PABIR3: variants seen among roughly 807,000 people sequenced by gnomAD.
PABIR3 encodes the protein PABIR family member 1.
A neutral mutation model predicts 23.1 loss-of-function variants in PABIR3; 20 were observed. That is an observed-to-expected ratio of 0.86 (90% CI 0.61 to 1.26). PABIR3 has a LOEUF of 1.26. Among genes scored for constraint, PABIR3 ranks in the 50% most tolerant of loss-of-function variants. The pLI, the probability that PABIR3 is intolerant of heterozygous loss-of-function variation, is 0.00. For synonymous variants in PABIR3, 69 were observed against 68.5 expected (o/e 1.01, Z -0.04); for missense variants, 189 against 195.4 (o/e 0.97, Z 0.20).
intron 8 of PABIR3, 97 bp from the exon 9 acceptor site, chrX:134,849,070 G>T (rs986604252): frequency 1.8e-5 from 6 of 325,141 alleles, no homozygotes; most frequent in African/African-American, 1.6e-4. Flanking sequence ...ACAGAGTCCC[G>T]TTTTTGTGTA....
At position 134,854,348 on chromosome X, in the gene PABIR3, C is replaced by A; in HGVS notation, c.*131C>A. On this transcript the variant is annotated 3_prime_UTR_variant, in exon 11 of 11. Coordinates refer to ENST00000645433, the MANE Select transcript of PABIR3 (RefSeq NM_001388447.1). ...ATAATTTAAACTATCTCCTATTTAT[C>A]TTTTTTCCTCAATTTCCTAAAATTC... 1.4e-6 allele frequency: 1 copy of A among 732,349 alleles called. No individual in the cohort carries two copies. Among genetic ancestry groups the A allele is most frequent in the Non-Finnish European group, 1.8e-6 (1 of 549,084 alleles). 60.4% of individuals were successfully genotyped at this position (732,349 alleles called of 1,213,427 possible). A position where few individuals can be genotyped will look rare whatever the true frequency, so the allele number is the denominator to read the frequency against.
intron 1 of PABIR3, among the ~76,000 whole-genome samples, chrX:134,800,636 A>G (rs777896555): frequency 9.0e-6 from 1 of 110,736 alleles, no homozygotes; most frequent in South Asian, 3.9e-4. Context: ...CTAAAAATAC[A>G]AAACTTAGCA....
chrX:134,824,062 C>T (rs2081404422), intron 3 of PABIR3, among the ~76,000 whole-genome samples: 1 of 111,492 alleles, frequency 9.0e-6, no homozygotes. Context: ...TGTGCACAAA[C>T]ATTAGCTTAA....
At chrX:134,808,404 G>A in intron 2 of PABIR3, among the ~76,000 whole-genome samples, 1 of 109,565 alleles carries the variant, frequency 9.1e-6, no homozygotes, top group Middle Eastern at 4.7e-3. Flanking sequence ...TTTTTGAGAC[G>A]GAGTCTCACT....
intron 8 of PABIR3, 89 bp from the exon 9 acceptor site, chrX:134,849,078 G>C: frequency 5.8e-6 from 2 of 345,001 alleles, no homozygotes; most frequent in Non-Finnish European, 9.2e-6. Flanking sequence ...CCGTTTTTGT[G>C]TATGTCCTTA....
chrX:134,808,112 G>T, intron 2 of PABIR3: 2 of 297,705 alleles, frequency 6.7e-6, no homozygotes, highest in Non-Finnish European at 1.2e-5. Flanking sequence ...CAGCTGCTTT[G>T]TCACCTCTGA....
At position 134,829,210 on chromosome X, in the gene PABIR3, A is replaced by G. The variant is rs1022747807; in HGVS notation, c.190-16A>G. The G allele has an allele frequency of 1.7e-6, 2 of 1,194,936 alleles. No individual in the cohort carries two copies. The highest frequency in any genetic ancestry group is 3.0e-5 in the East Asian group (1 of 33,739). ...AAACATTAAAGCAAGCTTGACTTCTATATTTTAAATTTCAGTTGTTGCCAC... is the reference window on the plus strand; with the variant it reads ...AAACATTAAAGCAAGCTTGACTTCTGTATTTTAAATTTCAGTTGTTGCCAC... On this transcript the variant is annotated splice_polypyrimidine_tract_variant and intron_variant, in intron 3 of 10. Coordinates refer to ENST00000645433, the MANE Select transcript of PABIR3 (RefSeq NM_001388447.1).
Position 134,817,814 on chromosome X carries a change from G to A in PABIR3, c.189+2965G>A, listed in dbSNP as rs759770747. 3.6e-5 allele frequency among the ~76,000 whole-genome samples: 4 copies of A among 110,884 alleles called. No individual in the cohort carries two copies. In the South Asian group the frequency reaches 1.5e-3, roughly 43 times the overall value. ...AGGGTCAGTGAGAAGCCATTGAAGA[G>A]TTTTGAGCCAATGATTGACATGATC... On this transcript the variant is annotated intron_variant, in intron 3 of 10. Coordinates refer to ENST00000645433, the MANE Select transcript of PABIR3 (RefSeq NM_001388447.1).
chrX:134,840,580 C>T (rs1004756382), intron 4 of PABIR3, among the ~76,000 whole-genome samples: 3 of 110,752 alleles, frequency 2.7e-5, no homozygotes, highest in African/African-American at 6.6e-5. Flanking sequence ...AAGAAACTGA[C>T]GCTCAGGTGA....
chrX:134,812,349 T>TA (rs768071980), intron 2 of PABIR3, among the ~76,000 whole-genome samples: 1 of 111,944 alleles, frequency 8.9e-6, no homozygotes, highest in Non-Finnish European at 1.9e-5. Context: ...AATAGCCCAT[T>TA]AGTGTCCCTC....
rs2082730614 is a variant in PABIR3, at chrX:134,854,310, A to T, written c.*93A>T. The T allele has an allele frequency of 2.1e-6, 2 of 952,537 alleles. No individual in the cohort carries two copies. The highest frequency in any genetic ancestry group is 2.8e-6 in the Non-Finnish European group (2 of 717,556). The allele number at this position is 952,537 out of a possible 1,213,427, so 78.5% of individuals were successfully genotyped here. ...TCAAGCAAACCAAGTCAGAGCAATGAGAATTGTACTGTATAATTTAAACTA... is the reference window on the plus strand; with the variant it reads ...TCAAGCAAACCAAGTCAGAGCAATGTGAATTGTACTGTATAATTTAAACTA... On this transcript the variant is annotated 3_prime_UTR_variant, in exon 11 of 11. Transcript: ENST00000645433.
chrX:134,853,035 G>T, intron 10 of PABIR3, 139 bp downstream of exon 10: 1 of 347,439 alleles, frequency 2.9e-6, no homozygotes, highest in Non-Finnish European at 4.8e-6. Flanking sequence ...TATTCCAAGT[G>T]GATACTATAA....
At chrX:134,853,988 C>A in intron 10 of PABIR3, 103 bp from the exon 11 acceptor site, 1 of 880,710 alleles carries the variant, frequency 1.1e-6, no homozygotes, top group Non-Finnish European at 1.6e-6. Flanking sequence ...GTGACAAGTG[C>A]CAGTTGTTAG....
intron 6 of PABIR3, 130 bp from the exon 7 acceptor site, chrX:134,847,253 G>A (rs982642133): frequency 1.4e-5 from 6 of 436,375 alleles, no homozygotes; most frequent in African/African-American, 2.4e-5. Flanking sequence ...TTAGGATGGC[G>A]AGAGCTCTTC....
intron 7 of PABIR3, 45 bp from the exon 8 acceptor site, chrX:134,847,838 G>A (rs1251005546): frequency 5.6e-6 from 6 of 1,064,729 alleles, no homozygotes; most frequent in South Asian, 2.0e-5. Flanking sequence ...TCTGCTTTCC[G>A]AGAAAAGTGG....
chrX:134,843,112 A>C (rs2082296074), intron 4 of PABIR3, among the ~76,000 whole-genome samples: 1 of 110,002 alleles, frequency 9.1e-6, no homozygotes, highest in South Asian at 3.9e-4. Context: ...AGACAGGAGA[A>C]TCGCTTGAAC....
At position 134,814,839 on chromosome X, in the gene PABIR3, G is replaced by C; in HGVS notation, c.179G>C (p.Arg60Pro). The change falls in exon 3 of 11, where the codon CGA becomes CCA. Residue 60 changes from arginine (R) to proline (P), a missense_variant. Coordinates refer to ENST00000645433, the MANE Select transcript of PABIR3 (RefSeq NM_001388447.1). ...ACAAACAGAACAACATTTAGGAATCGACGCTCTCTGGTAAGGAAATGCTTA... is the reference window on the plus strand; with the variant it reads ...ACAAACAGAACAACATTTAGGAATCCACGCTCTCTGGTAAGGAAATGCTTA... ...IRTNRTTFRN[R>P]RSLLLPPPPF... 8.4e-7 allele frequency: 1 copy of C among 1,192,727 alleles called. No homozygotes were observed. The highest frequency in any genetic ancestry group is 1.1e-6 in the Non-Finnish European group (1 of 883,243).
At chrX:134,816,329 T>C (rs2080973594) in intron 3 of PABIR3, among the ~76,000 whole-genome samples, 1 of 112,152 alleles carries the variant, frequency 8.9e-6, no homozygotes, top group East Asian at 2.8e-4. Context: ...GTTTTTGTTT[T>C]TGTCTTTTTG....
intron 4 of PABIR3, among the ~76,000 whole-genome samples, chrX:134,842,898 CA>C (rs1219038634): frequency 1.0e-3 from 90 of 85,804 alleles, no homozygotes; most frequent in Admixed American, 1.4e-3. Context: ...AACTCCGTCT[CA>C]AAAAAAAAAA....
Sources: allele counts gnomAD v4.1 joint callset (sites outside exome capture counted in the v4.1 genomes callset), GRCh38; gene constraint gnomAD v4.1.1; transcripts MANE v1.5; gene names NCBI Gene and HGNC (gene_info 2026-07-23, HGNC 2026-07-21).